LPCAT2: variants seen among roughly 807,000 people sequenced by gnomAD.
The protein encoded by LPCAT2 is lysophosphatidylcholine acyltransferase 2, also known as 1-AGP acyltransferase 11.
Under a neutral mutation model 64.7 loss-of-function variants are expected in LPCAT2, and 58 were observed. The observed-to-expected ratio is 0.90, with a 90% CI of 0.73 to 1.12. The LOEUF is 1.12. LPCAT2 is among the 50% of genes most tolerant of loss of function. LPCAT2 has a pLI of 0.00. For synonymous variants in LPCAT2, 252 were observed against 245.3 expected, an observed-to-expected ratio of 1.03 and a Z score of -0.26; for missense variants, 579 against 669.8, an observed-to-expected ratio of 0.86 and a Z score of 1.50.
intron 1 of LPCAT2, among the ~76,000 whole-genome samples, chr16:55,516,618 A>T (rs530822751): frequency 1.3e-5 from 2 of 152,224 alleles, no homozygotes; most frequent in Non-Finnish European, 2.9e-5. Context: ...CCATATATGC[A>T]TCTAGCAGCA....
Position 55,579,137 on chromosome 16 carries a change from T to C in LPCAT2, c.1343T>C (p.Ile448Thr). The change falls in exon 13 of 14, where the codon ATA becomes ACA. Residue 448 changes from isoleucine (I) to threonine (T), a missense_variant. Transcript: ENST00000262134. ...KLFDVDEDGY[I>T]TEEEFSTILQ... Reference sequence around the variant, plus strand: ...TTTGACGTTGATGAGGATGGCTACATAACGGAGGAAGAGTTCTCCACCATT... The same window carrying C: ...TTTGACGTTGATGAGGATGGCTACACAACGGAGGAAGAGTTCTCCACCATT... The C allele has an allele frequency of 6.2e-7, 1 of 1,613,402 alleles. No individual in the cohort carries two copies. The highest frequency in any genetic ancestry group is 2.2e-5 in the East Asian group (1 of 44,856).
chr16:55,548,665 G>A lies in LPCAT2; in HGVS notation c.936-612G>A, dbSNP rs189337664. Among the ~76,000 whole-genome samples, 1,091 of 152,136 alleles carry A rather than the reference G, an allele frequency of 7.2e-3. 11 individuals carry two copies. The highest frequency in any genetic ancestry group is 0.025 in the African/African-American group (1,035 of 41,498). On this transcript the variant is annotated intron_variant, in intron 9 of 13. Transcript: ENST00000262134. ...AGCCTCCTGAGTAGCTGAGACTACA[G>A]GTGTGCCTCACGTAATTTTTATATT...
At chr16:55,512,214 G>T (rs1962942569) in intron 1 of LPCAT2, among the ~76,000 whole-genome samples, 1 of 152,132 alleles carries the variant, frequency 6.6e-6, no homozygotes, top group Non-Finnish European at 1.5e-5. Flanking sequence ...CATTATATTT[G>T]TAAGTCAGTT....
chr16:55,512,436 C>A (rs1162047373), intron 1 of LPCAT2, among the ~76,000 whole-genome samples: 12 of 151,766 alleles, frequency 7.9e-5, no homozygotes, highest in Non-Finnish European at 1.2e-4. Context: ...TTACCCCAGC[C>A]CCTTTTTTTC....
intron 11 of LPCAT2, among the ~76,000 whole-genome samples, chr16:55,556,387 G>A (rs1963574806): frequency 6.6e-6 from 1 of 152,128 alleles, no homozygotes. Context: ...TAGACATTGT[G>A]CTCATCAGGA....
intron 11 of LPCAT2, among the ~76,000 whole-genome samples, chr16:55,565,048 C>G (rs1963677245): frequency 6.6e-6 from 1 of 151,944 alleles, no homozygotes; most frequent in African/African-American, 2.4e-5. Flanking sequence ...TTTAAATAGA[C>G]ATTTTTCCAA....
intron 11 of LPCAT2, among the ~76,000 whole-genome samples, chr16:55,563,521 A>T (rs1384527742): frequency 6.6e-6 from 1 of 151,946 alleles, no homozygotes; most frequent in Non-Finnish European, 1.5e-5. Context: ...ATCAAGTGGG[A>T]TTTATTCCTG....
intron 11 of LPCAT2, chr16:55,567,012 A>G: frequency 6.2e-7 from 1 of 1,613,910 alleles, no homozygotes; most frequent in African/African-American, 1.3e-5. Flanking sequence ...GCAACAATTT[A>G]CACAGCTGGC....
chr16:55,534,092 C>CT (rs1160191381), intron 6 of LPCAT2, among the ~76,000 whole-genome samples: 3 of 151,668 alleles, frequency 2.0e-5, no homozygotes, highest in Non-Finnish European at 4.4e-5. Context: ...CCCAAATAAG[C>CT]TTTTTTTTGA....
chr16:55,577,856 CT>C (rs2142424138), intron 12 of LPCAT2, among the ~76,000 whole-genome samples: 1 of 152,180 alleles, frequency 6.6e-6, no homozygotes, highest in African/African-American at 2.4e-5. Context: ...GTCCATATTT[CT>C]TGCCTCTGCT....
chr16:55,550,923 G>A (rs535592870), intron 10 of LPCAT2, 26 bp from the exon 11 acceptor site: 3 of 1,526,444 alleles, frequency 2.0e-6, no homozygotes, highest in Middle Eastern at 1.8e-4. Flanking sequence ...CTAATAACAT[G>A]TATCTATAAT....
intron 11 of LPCAT2, among the ~76,000 whole-genome samples, chr16:55,571,589 C>T (rs1222755862): frequency 2.0e-5 from 3 of 152,080 alleles, no homozygotes; most frequent in Non-Finnish European, 4.4e-5. Flanking sequence ...GAGCTGGTCT[C>T]CTTTGAAATG....
intron 1 of LPCAT2, among the ~76,000 whole-genome samples, chr16:55,524,261 T>C (rs1342369978): frequency 6.6e-6 from 1 of 151,864 alleles, no homozygotes; most frequent in Non-Finnish European, 1.5e-5. Context: ...AAAGAATGAA[T>C]TACTGGTGTA....
At chr16:55,509,696 A>T (rs1793188080) in intron 1 of LPCAT2, among the ~76,000 whole-genome samples, 1 of 151,942 alleles carries the variant, frequency 6.6e-6, no homozygotes, top group African/African-American at 2.4e-5. Flanking sequence ...TGGATCTGAG[A>T]GGAGAGGACT....
At chr16:55,574,516 C>T in intron 11 of LPCAT2, 115 bp from the exon 12 acceptor site, 2 of 719,968 alleles carry the variant, frequency 2.8e-6, no homozygotes, top group Non-Finnish European at 5.0e-6. Context: ...GACTTTTCTC[C>T]AAATAGTGAA....
At chr16:55,544,368 A>C (rs2142393975) in intron 8 of LPCAT2, among the ~76,000 whole-genome samples, 1 of 152,320 alleles carries the variant, frequency 6.6e-6, no homozygotes, top group South Asian at 2.1e-4. Context: ...CCCAGCACAC[A>C]GTAGATGTTT....
Position 55,545,721 on chromosome 16 carries a change from T to C in LPCAT2, c.853-14T>C. ...CTTAAGACATTGTTATGGAAAGGTATATTTGTCTTTCAGTTTATGCCAGTT... is the reference window on the plus strand; with the variant it reads ...CTTAAGACATTGTTATGGAAAGGTACATTTGTCTTTCAGTTTATGCCAGTT... On this transcript the variant is annotated splice_polypyrimidine_tract_variant and intron_variant, in intron 8 of 13. Coordinates refer to ENST00000262134, the MANE Select transcript of LPCAT2 (RefSeq NM_017839.5). 1.3e-6 allele frequency: 2 copies of C among 1,554,614 alleles called. No individual in the cohort carries two copies. The highest frequency in any genetic ancestry group is 1.4e-5 in the African/African-American group (1 of 73,528).
intron 12 of LPCAT2, among the ~76,000 whole-genome samples, chr16:55,578,277 TA>T (rs1963850351): frequency 1.3e-5 from 2 of 152,204 alleles, no homozygotes; most frequent in African/African-American, 4.8e-5. Context: ...ATCAGTTTCC[TA>T]AAATGATATT....
rs1369723135 is a variant in LPCAT2 at position 55,549,612 on chromosome 16, CAGGAGGAGACCAAGGG to C, written c.1061+212_1061+227del. ...AACTCAGAGATATGTGCATTGGTCA[CAGGAGGAGACCAAGGG>C]ATAATAAATGTGGATCCACACAGAT... On this transcript the variant is annotated intron_variant, in intron 10 of 13. Coordinates refer to ENST00000262134, the MANE Select transcript of LPCAT2 (RefSeq NM_017839.5). 5.6e-4 allele frequency among the ~76,000 whole-genome samples: 85 copies of C among 152,270 alleles called. 1 individual carries two copies. Among genetic ancestry groups the C allele is most frequent in the African/African-American group, 1.8e-3 (76 of 41,554 alleles).
Sources: allele counts gnomAD v4.1 joint callset (sites outside exome capture counted in the v4.1 genomes callset), GRCh38; gene constraint gnomAD v4.1.1; transcripts MANE v1.5; gene names NCBI Gene and HGNC (gene_info 2026-07-23, HGNC 2026-07-21).